LINGO1: variants seen among roughly 807,000 people sequenced by gnomAD.
LINGO1 encodes the protein leucine-rich repeat and immunoglobulin-like domain-containing nogo receptor-interacting protein 1.
LINGO1 carries 11 observed loss-of-function variants against 37.3 expected under a neutral mutation model. The observed-to-expected ratio is 0.29, with a 90% CI of 0.19 to 0.49. LINGO1 has a LOEUF of 0.49. Among genes scored for constraint, LINGO1 ranks in the 20% least tolerant of loss-of-function variants. LINGO1 has a pLI of 0.99. For missense variants in LINGO1, 585 were observed against 878.2 expected (o/e 0.67, Z 4.22); for synonymous variants, 387 against 403.0 (o/e 0.96, Z 0.48).
At chr15:77,616,816 T>A (rs2073740612) in intron 1 of LINGO1, among the ~76,000 whole-genome samples, 2 of 152,188 alleles carry the variant, frequency 1.3e-5, no homozygotes, top group Admixed American at 6.5e-5. Flanking sequence ...GCTGTTGAAA[T>A]TCCATCCACA....
At chr15:77,758,543 G>A (rs1362711255) in intron 1 of LINGO1, among the ~76,000 whole-genome samples, 3 of 152,224 alleles carry the variant, frequency 2.0e-5, no homozygotes, top group Admixed American at 6.5e-5. Flanking sequence ...CAGTCAGGGT[G>A]TGCTTCATGG....
chr15:77,750,318 A>G (rs1193003680), intron 1 of LINGO1, among the ~76,000 whole-genome samples: 3 of 152,276 alleles, frequency 2.0e-5, no homozygotes, highest in Admixed American at 2.0e-4. Context: ...GTTTGGCTAC[A>G]TGAGAAGTAG....
intron 1 of LINGO1, among the ~76,000 whole-genome samples, chr15:77,798,143 T>C (rs2076888474): frequency 6.6e-6 from 1 of 152,164 alleles, no homozygotes; most frequent in Non-Finnish European, 1.5e-5. Flanking sequence ...CCACTGGTTG[T>C]TGATCCTGGA....
intron 3 of LINGO1, chr15:77,642,055 T>C (rs1171534723): frequency 6.7e-6 from 3 of 449,524 alleles, no homozygotes; most frequent in Non-Finnish European, 1.4e-5. Flanking sequence ...TAAGAGCATA[T>C]GCGTGTGACA....
chr15:77,718,987 T>C (rs2076017430), intron 2 of LINGO1, among the ~76,000 whole-genome samples: 1 of 150,518 alleles, frequency 6.6e-6, no homozygotes, highest in Non-Finnish European at 1.5e-5. Context: ...CGACAAGGCC[T>C]CAGTCTGTGT....
At chr15:77,804,528 C>T (rs55910186) in intron 1 of LINGO1, among the ~76,000 whole-genome samples, 5,386 of 152,260 alleles carry the variant, frequency 0.035, 322 homozygotes, top group African/African-American at 0.12. Flanking sequence ...AGTGAGTGAG[C>T]GACAACCCTG....
chr15:77,748,359 G>A (rs1277357261), intron 1 of LINGO1, among the ~76,000 whole-genome samples: 1 of 152,236 alleles, frequency 6.6e-6, no homozygotes, highest in East Asian at 1.9e-4. Context: ...CAATCTCCCT[G>A]AGCCTCAGTT....
At chr15:77,688,623 C>A (rs931880193) in intron 2 of LINGO1, among the ~76,000 whole-genome samples, 2 of 152,226 alleles carry the variant, frequency 1.3e-5, no homozygotes, top group African/African-American at 4.8e-5. Context: ...AAGCAAGGGC[C>A]TAGCATTTGG....
chr15:77,796,695 C>T (rs1337465988), intron 1 of LINGO1, among the ~76,000 whole-genome samples: 29 of 144,898 alleles, frequency 2.0e-4, no homozygotes, highest in Admixed American at 7.2e-5. Context: ...CCCTCCCATT[C>T]CCCAGCCTCT....
intron 1 of LINGO1, among the ~76,000 whole-genome samples, chr15:77,807,118 T>C (rs977519266): frequency 6.6e-6 from 1 of 152,198 alleles, no homozygotes; most frequent in Admixed American, 6.5e-5. Context: ...ACCCAGTTCA[T>C]CCCATCTCCT....
exon 1 of LINGO1, chr15:77,786,888 C>G (rs2076776729): frequency 6.6e-6 from 1 of 152,310 alleles, no homozygotes; most frequent in Admixed American, 6.5e-5. Context: ...CCTCTGCTTC[C>G]TCTTCTATAA....
intron 1 of LINGO1, among the ~76,000 whole-genome samples, chr15:77,621,573 AG>A (rs141729767): frequency 6.6e-6 from 1 of 151,584 alleles, no homozygotes; most frequent in African/African-American, 2.4e-5. Flanking sequence ...AGGCCAGGCC[AG>A]GGGAGGGGCT....
intron 1 of LINGO1, among the ~76,000 whole-genome samples, chr15:77,629,075 T>C (rs1473384105): frequency 1.3e-5 from 2 of 152,204 alleles, no homozygotes; most frequent in African/African-American, 4.8e-5. Context: ...ACTTTATAGA[T>C]AAGGAAACAG....
At chr15:77,712,249 T>A (rs2075926848) in intron 2 of LINGO1, among the ~76,000 whole-genome samples, 1 of 152,020 alleles carries the variant, frequency 6.6e-6, no homozygotes, top group Non-Finnish European at 1.5e-5. Flanking sequence ...TGGCTCCTGG[T>A]CAAACCTCCC....
intron 2 of LINGO1, among the ~76,000 whole-genome samples, chr15:77,710,864 C>T (rs1289309608): frequency 6.6e-6 from 1 of 152,252 alleles, no homozygotes; most frequent in African/African-American, 2.4e-5. Context: ...TTTGATGGTG[C>T]CAGGCCATGG....
intron 3 of LINGO1, among the ~76,000 whole-genome samples, chr15:77,676,223 C>T (rs868349248): frequency 6.6e-4 from 101 of 152,374 alleles, no homozygotes; most frequent in Non-Finnish European, 5.6e-4. Flanking sequence ...ACACCCACAA[C>T]AGCCACTGGA....
chr15:77,749,300 T>G (rs1201630183), intron 1 of LINGO1, among the ~76,000 whole-genome samples: 1 of 152,084 alleles, frequency 6.6e-6, no homozygotes, highest in Non-Finnish European at 1.5e-5. Context: ...GCCCCTGCCT[T>G]CAGCCTGGCC....
chr15:77,764,940 A>G (rs1428671514), intron 1 of LINGO1, among the ~76,000 whole-genome samples: 1 of 152,234 alleles, frequency 6.6e-6, no homozygotes. Flanking sequence ...GTGCAGATGA[A>G]CCACGGCAGA....
At chr15:77,749,265 C>T (rs1007930677) in intron 1 of LINGO1, among the ~76,000 whole-genome samples, 13 of 152,196 alleles carry the variant, frequency 8.5e-5, no homozygotes, top group Admixed American at 2.0e-4. Context: ...CATCACCTGC[C>T]TGCTCCATTC....
Sources: allele counts gnomAD v4.1 joint callset (sites outside exome capture counted in the v4.1 genomes callset), GRCh38; gene constraint gnomAD v4.1.1; transcripts MANE v1.5; gene names NCBI Gene and HGNC (gene_info 2026-07-23, HGNC 2026-07-21).